ZNF10: variants seen among roughly 807,000 people sequenced by gnomAD.
ZNF10 encodes zinc finger protein 10 (KOX 1).
ZNF10 carries 8 observed loss-of-function variants against 12.2 expected under a neutral mutation model. That is an observed-to-expected ratio of 0.66 (90% CI 0.39 to 1.18). The LOEUF (loss-of-function observed/expected upper bound fraction) is 1.18. Ranked by LOEUF, ZNF10 falls within the 50% of genes most tolerant of loss-of-function variation. The pLI is 0.01. For synonymous variants in ZNF10, 229 were observed against 228.2 expected, an observed-to-expected ratio of 1.00 and a Z score of -0.03; for missense variants, 603 against 678.9, an observed-to-expected ratio of 0.89 and a Z score of 1.24.
chr12:133,137,448 A>G (rs1189604243), intron 1 of ZNF10, among the ~76,000 whole-genome samples: 1 of 152,162 alleles, frequency 6.6e-6, no homozygotes, highest in Non-Finnish European at 1.5e-5. Context: ...AGAAGTATTG[A>G]AATTCTTCCC....
rs773229454 is a variant in ZNF10 at position 133,144,506 on chromosome 12, C to T, written c.14C>T (p.Ser5Leu). The change falls in exon 2 of 5, where the codon TCA (serine) becomes TTA (leucine). Residue 5 changes from serine (S) to leucine (L), a missense_variant. This residue lies in a region of ZNF10 where 393 missense variants were observed against 399.7 expected (regional missense o/e 0.98). Coordinates refer to ENST00000248211, the MANE Select transcript of ZNF10 (RefSeq NM_015394.5). ...AACAAGGAGGGCATGGATGCTAAGT[C>T]ACTAACTGCCTGGTCCCGGGTAAGC... Reference protein sequence around the residue: MDAKSLTAWSRTLVT... With the variant: MDAKLLTAWSRTLVT... The T allele has an allele frequency of 3.7e-6, 6 of 1,613,898 alleles. No homozygotes were observed. In the African/African-American group the frequency reaches 8.0e-5, roughly 22 times the overall value.
At chr12:133,143,430 G>A (rs1163461675) in intron 1 of ZNF10, 1 of 151,734 alleles carries the variant, frequency 6.6e-6, no homozygotes, top group Admixed American at 6.6e-5. Flanking sequence ...GTACCATATG[G>A]CTCTTTAAAA....
intron 1 of ZNF10, among the ~76,000 whole-genome samples, chr12:133,140,451 A>G (rs564384077): frequency 1.4e-5 from 2 of 144,510 alleles, no homozygotes; most frequent in Non-Finnish European, 3.0e-5. Flanking sequence ...TTTTTTAAAT[A>G]AGTCTTACCA....
In ZNF10 at chr12:133,155,638, A is replaced by T; in HGVS notation, c.392A>T (p.Lys131Ile). The change falls in exon 5 of 5, where the codon AAA (lysine) becomes ATA (isoleucine). Residue 131 changes from lysine to isoleucine, a missense_variant. Lys to Ile is a moderately radical substitution (Grantham distance 102). Coordinates refer to ENST00000248211, the MANE Select transcript of ZNF10 (RefSeq NM_015394.5). ...LWYLSLEEVWKCRDQLDKYQE... is the reference protein window; with the variant it reads ...LWYLSLEEVWICRDQLDKYQE... Reference sequence around the variant, plus strand: ...TATTTGTCATTAGAAGAAGTCTGGAAATGTAGAGACCAGTTAGACAAGTAT... The same window carrying T: ...TATTTGTCATTAGAAGAAGTCTGGATATGTAGAGACCAGTTAGACAAGTAT... The T allele has an allele frequency of 3.7e-6, 6 of 1,614,058 alleles. No individual in the cohort carries two copies. The highest frequency in any genetic ancestry group is 5.1e-6 in the Non-Finnish European group (6 of 1,179,986).
chr12:133,143,433 C>CT (rs768181704), intron 1 of ZNF10: 21 of 151,972 alleles, frequency 1.4e-4, no homozygotes, highest in African/African-American at 4.8e-4. Context: ...CCATATGGCT[C>CT]TTTAAAAAAA....
In ZNF10 at chr12:133,149,317, C is replaced by T. The variant is rs564486792; in HGVS notation, c.34-1711C>T. Among the ~76,000 whole-genome samples, 3 of 147,272 alleles carry T rather than the reference C, an allele frequency of 2.0e-5. No homozygotes were observed. In the East Asian group the frequency reaches 6.1e-4, roughly 30 times the overall value. ...CTATGTTGTCCAGGCTGGTCTGAAACTCCAGGGCTCAAGGGCTTGTGGTTT... is the reference window on the plus strand; with the variant it reads ...CTATGTTGTCCAGGCTGGTCTGAAATTCCAGGGCTCAAGGGCTTGTGGTTT... On this transcript the variant is annotated intron_variant, in intron 2 of 4. Coordinates refer to ENST00000248211, the MANE Select transcript of ZNF10 (RefSeq NM_015394.5).
chr12:133,155,651 G>A lies in ZNF10; in HGVS notation c.405G>A (p.Gln135=), dbSNP rs891980975. Residue 135 remains glutamine (Q), a synonymous_variant, in exon 5 of 5, where the codon CAG becomes CAA. Coordinates refer to ENST00000248211, the MANE Select transcript of ZNF10 (RefSeq NM_015394.5). The part of the protein sequence containing the change: ...SLEEVWKCRD[Q]LDKYQENPER... ...AAGAAGTCTGGAAATGTAGAGACCA[G>A]TTAGACAAGTATCAGGAAAACCCAG... 17 of 1,613,792 alleles carry A rather than the reference G, an allele frequency of 1.1e-5. No individual in the cohort carries two copies. Among genetic ancestry groups the A allele is most frequent in the Non-Finnish European group, 1.1e-5 (13 of 1,179,976 alleles).
chr12:133,158,440 G>T lies in ZNF10; in HGVS notation c.*1472G>T, dbSNP rs924406806. The T allele has an allele frequency of 4.6e-5, 7 of 152,266 alleles. No individual in the cohort carries two copies. The highest frequency in any genetic ancestry group is 3.4e-3 in the Middle Eastern group (1 of 294). The allele number at this position is 152,266 out of a possible 1,614,324, so 9.4% of individuals were successfully genotyped here. ...AAATCACTGACAAATAGTGGATATAGGTTTCATTTCTGAGGATCAATAAAC... is the reference window on the plus strand; with the variant it reads ...AAATCACTGACAAATAGTGGATATATGTTTCATTTCTGAGGATCAATAAAC... On this transcript the variant is annotated 3_prime_UTR_variant, in exon 5 of 5. Coordinates refer to ENST00000248211, the MANE Select transcript of ZNF10 (RefSeq NM_015394.5).
rs532247332 is a variant in ZNF10 at position 133,154,799 on chromosome 12, G to A, written c.257-704G>A. On this transcript the variant is annotated intron_variant, in intron 4 of 4. Transcript: ENST00000248211. ...TGGTTTAAGAATACTAAATTGGGCC[G>A]GACGCACTGGCTCACGCCTATAATC... 4.6e-5 allele frequency among the ~76,000 whole-genome samples: 7 copies of A among 152,260 alleles called. No homozygotes were observed. In the South Asian group the frequency reaches 6.2e-4, roughly 14 times the overall value.
Position 133,132,011 on chromosome 12 carries a change from T to C in ZNF10, c.-60+1257T>C, listed in dbSNP as rs73427932. 1.9e-3 allele frequency among the ~76,000 whole-genome samples: 288 copies of C among 152,300 alleles called. 1 individual carries two copies. Among genetic ancestry groups the C allele is most frequent in the African/African-American group, 6.0e-3 (248 of 41,564 alleles). On this transcript the variant is annotated intron_variant, in intron 1 of 4. Transcript: ENST00000248211. ...TGAGAAGAGATTCAATTACTATCAATAATTTGTAGTAAAGTGACTGAAAAG... is the reference window on the plus strand; with the variant it reads ...TGAGAAGAGATTCAATTACTATCAACAATTTGTAGTAAAGTGACTGAAAAG...
chr12:133,152,092 C>T (rs943304777), intron 4 of ZNF10, among the ~76,000 whole-genome samples, 188 bp downstream of exon 4: 1 of 152,238 alleles, frequency 6.6e-6, no homozygotes, highest in South Asian at 2.1e-4. Context: ...AAAGGTTTCT[C>T]TGTCTGTTGA....
intron 2 of ZNF10, among the ~76,000 whole-genome samples, chr12:133,150,466 C>T (rs1386981892): frequency 1.3e-5 from 2 of 152,056 alleles, no homozygotes; most frequent in Non-Finnish European, 2.9e-5. Flanking sequence ...TAGATACAAT[C>T]AACACTTATT....
At chr12:133,152,660 C>T (rs954821628) in intron 4 of ZNF10, among the ~76,000 whole-genome samples, 29 of 152,224 alleles carry the variant, frequency 1.9e-4, no homozygotes, top group African/African-American at 7.0e-4. Flanking sequence ...AAGTGATCCG[C>T]CCACCTCGGC....
intron 2 of ZNF10, among the ~76,000 whole-genome samples, chr12:133,150,714 G>T (rs546056547): frequency 6.6e-6 from 1 of 152,036 alleles, no homozygotes; most frequent in East Asian, 1.9e-4. Flanking sequence ...TATAAAAGTG[G>T]GTTAACTTTT....
At chr12:133,136,044 T>C (rs564312075) in intron 1 of ZNF10, among the ~76,000 whole-genome samples, 1 of 152,362 alleles carries the variant, frequency 6.6e-6, no homozygotes, top group Admixed American at 6.5e-5. Flanking sequence ...AGCCTTGCTT[T>C]CTTTTTTGAC....
chr12:133,153,337 A>AT (rs1315405542), intron 4 of ZNF10, among the ~76,000 whole-genome samples: 3 of 152,292 alleles, frequency 2.0e-5, no homozygotes, highest in Non-Finnish European at 4.4e-5. Context: ...GACTTCGACA[A>AT]TAACTTACTG....
At chr12:133,134,193 A>G (rs1244976402) in intron 1 of ZNF10, among the ~76,000 whole-genome samples, 1 of 151,620 alleles carries the variant, frequency 6.6e-6, no homozygotes, top group Non-Finnish European at 1.5e-5. Flanking sequence ...GGCGCCTGTA[A>G]TCCCAGCTAT....
At chr12:133,145,120 C>G (rs1955967884) in intron 2 of ZNF10, among the ~76,000 whole-genome samples, 1 of 152,130 alleles carries the variant, frequency 6.6e-6, no homozygotes, top group African/African-American at 2.4e-5. Context: ...CTCAGGTGAT[C>G]CGCCTGCCTC....
chr12:133,143,857 T>C (rs1480858749), intron 1 of ZNF10: 2 of 93,012 alleles, frequency 2.2e-5, no homozygotes, highest in East Asian at 4.1e-4. Flanking sequence ...CTGGAGGCCG[T>C]GGGGAAAAAT....
Sources: allele counts gnomAD v4.1 joint callset (sites outside exome capture counted in the v4.1 genomes callset), GRCh38; gene constraint gnomAD v4.1.1; regional missense constraint gnomAD v4.1.1; transcripts MANE v1.5; gene names NCBI Gene and HGNC (gene_info 2026-07-23, HGNC 2026-07-21).